MVD: variants seen among roughly 807,000 people sequenced by gnomAD.
MVD encodes the protein mevalonate diphosphate decarboxylase, also known as diphosphomevalonate decarboxylase.
MVD carries 52 observed loss-of-function variants against 42.4 expected under a neutral mutation model. The ratio of observed to expected loss-of-function variants is 1.23; its 90% confidence interval spans 0.98 to 1.55. The LOEUF is 1.55. Among genes scored for constraint, MVD ranks in the 40% most tolerant of loss-of-function variants. The pLI, the probability that MVD is intolerant of heterozygous loss-of-function variation, is 0.00. For missense variants in MVD, 663 were observed against 572.1 expected, an observed-to-expected ratio of 1.16 and a Z score of -1.62; for synonymous variants, 287 against 243.2, an observed-to-expected ratio of 1.18 and a Z score of -1.68.
At chr16:88,654,544 C>G (rs1360711281) in intron 8 of MVD, 148 bp downstream of exon 8, 9 of 722,356 alleles carry the variant, frequency 1.2e-5, no homozygotes, top group East Asian at 3.2e-5. Context: ...ATGGGGACAC[C>G]CTGCCCGTGG....
At chr16:88,654,260 G>A (rs889955576) in intron 8 of MVD, among the ~76,000 whole-genome samples, 1 of 152,180 alleles carries the variant, frequency 6.6e-6, no homozygotes, top group Non-Finnish European at 1.5e-5. Flanking sequence ...CCGGGGCGGG[G>A]TCAACACCCG....
Position 88,656,289 on chromosome 16 carries a change from C to A in MVD, c.419G>T (p.Arg140Leu). Residue 140 changes from arginine to leucine, a missense_variant, in exon 5 of 10, where the codon CGT becomes CTT. Arg to Leu is a moderately radical substitution (Grantham distance 102). Coordinates refer to ENST00000301012, the MANE Select transcript of MVD (RefSeq NM_002461.3). ...GYACLAYTLA[R>L]VYGVESDLSE... ...GAGGTCACTCTCCACGCCGTAGACA[C>A]GGGCCAGGGTGTAGGCTGCAGGCAT... The A allele has an allele frequency of 6.3e-7, 1 of 1,599,646 alleles. No individual in the cohort carries two copies. Among genetic ancestry groups the A allele is most frequent in the Non-Finnish European group, 8.5e-7 (1 of 1,179,926 alleles).
intron 7 of MVD, 190 bp downstream of exon 7, chr16:88,655,009 G>T: frequency 1.1e-6 from 1 of 890,540 alleles, no homozygotes; most frequent in Non-Finnish European, 1.7e-6. Context: ...GTGGGGCCGT[G>T]ACCCGGGCAA....
At chr16:88,657,193 C>T in intron 4 of MVD, 2 of 686,118 alleles carry the variant, frequency 2.9e-6, no homozygotes, top group East Asian at 2.9e-5. Context: ...GTGCTTCTCC[C>T]CCATCAGCCT....
At chr16:88,657,204 C>T (rs1286272692) in intron 4 of MVD, 1 of 708,340 alleles carries the variant, frequency 1.4e-6, no homozygotes, top group Admixed American at 2.0e-5. Context: ...CCATCAGCCT[C>T]TTAAGTACTG....
At chr16:88,653,501 A>G in intron 8 of MVD, 93 bp from the exon 9 acceptor site, 4 of 1,085,606 alleles carry the variant, frequency 3.7e-6, no homozygotes, top group Non-Finnish European at 3.9e-6. Flanking sequence ...TGGGAAGTGC[A>G]TTCCTGGCCG....
chr16:88,657,682 G>A (rs1908021623), intron 3 of MVD, 100 bp from the exon 4 acceptor site: 7 of 1,511,094 alleles, frequency 4.6e-6, no homozygotes, highest in Non-Finnish European at 6.3e-6. Flanking sequence ...CCAGGCCTCT[G>A]CCTGCCAGAC....
chr16:88,652,627 A>C, intron 9 of MVD, 22 bp from the exon 10 acceptor site: 3 of 1,546,964 alleles, frequency 1.9e-6, no homozygotes, highest in Non-Finnish European at 2.6e-6. Context: ...AATCCATGTC[A>C]GGTCACCAGG....
At chr16:88,656,373 C>T (rs1907930937) in intron 4 of MVD, 69 bp from the exon 5 acceptor site, 2 of 1,531,640 alleles carry the variant, frequency 1.3e-6, no homozygotes, top group Non-Finnish European at 8.9e-7. Context: ...AGCTCACCGC[C>T]CCAGGAACGT....
intron 1 of MVD, among the ~76,000 whole-genome samples, chr16:88,662,462 G>T (rs1908364565): frequency 6.6e-6 from 1 of 152,254 alleles, no homozygotes; most frequent in African/African-American, 2.4e-5. Context: ...GAGGGGCGGG[G>T]CTGTGAACGC....
chr16:88,656,896 G>A (rs116634612), intron 4 of MVD: 19 of 296,800 alleles, frequency 6.4e-5, no homozygotes, highest in African/African-American at 3.1e-4. Context: ...GACCACCACC[G>A]GGGGGACAGG....
rs1466453088 is a variant in MVD, at chr16:88,657,506, G to A, written c.333C>T (p.His111=). The A allele has an allele frequency of 5.6e-6, 9 of 1,612,692 alleles. No individual in the cohort carries two copies. Among genetic ancestry groups the A allele is most frequent in the East Asian group, 2.2e-5 (1 of 44,890 alleles). Reference sequence around the variant, plus strand: ...TGGGGAAGTTGTTCACCGATGCCACGTGCACCTTGCAGCTGAGGCTGGAGG... The same window carrying A: ...TGGGGAAGTTGTTCACCGATGCCACATGCACCTTGCAGCTGAGGCTGGAGG... ...PLPSSLSCKV[H]VASVNNFPTA... is the part of the protein sequence containing the mutation. The change falls in exon 4 of 10, where the codon CAC becomes CAT. Residue 111 remains histidine (H), a synonymous_variant. Coordinates refer to ENST00000301012, the MANE Select transcript of MVD (RefSeq NM_002461.3).
chr16:88,656,871 G>A (rs1385290570), intron 4 of MVD: 12 of 277,616 alleles, frequency 4.3e-5, no homozygotes, highest in Non-Finnish European at 6.4e-5. Context: ...GAGTTGAGGG[G>A]TGAAGATGGT....
intron 3 of MVD, 133 bp from the exon 4 acceptor site, chr16:88,657,715 C>G: frequency 1.4e-6 from 2 of 1,394,068 alleles, no homozygotes; most frequent in Non-Finnish European, 9.7e-7. Context: ...GTTTCTTACC[C>G]GGGAAAACCC....
chr16:88,654,635 G>T, intron 8 of MVD, 57 bp downstream of exon 8: 3 of 1,533,828 alleles, frequency 2.0e-6, no homozygotes, highest in South Asian at 2.4e-5. Context: ...CGTCTCTTCC[G>T]ACCAGAGTTC....
rs763755773 is a variant in MVD at position 88,652,648 on chromosome 16, C to T, written c.1123-43G>A. 1.6e-5 allele frequency: 24 copies of T among 1,516,524 alleles called. No homozygotes were observed. The African/African-American group carries it at 2.3e-4, about 15-fold the overall frequency. The allele number at this position is 1,516,524 out of a possible 1,614,324, so 93.9% of individuals were successfully genotyped here. A position where few individuals can be genotyped will look rare whatever the true frequency, so the allele number is the denominator to read the frequency against. On this transcript the variant is annotated intron_variant, in intron 9 of 9. Coordinates refer to ENST00000301012, the MANE Select transcript of MVD (RefSeq NM_002461.3). ...TGTCAGGTCACCAGGAATGGCAGCG[C>T]CTCATCCTGTGCCCAGCATCTGTAG...
In MVD at chr16:88,663,008, C is replaced by CA. The variant is rs754801607; in HGVS notation, c.70+2dup. ...CCGTCCCAGGCCGGCCCGCGGCACT[C>CA]ACAGTACTTGATGACCGCGATGTTG... On this transcript the variant is annotated splice_region_variant and intron_variant, in intron 1 of 9. Transcript: ENST00000301012. The CA allele has an allele frequency of 1.2e-5, 20 of 1,602,336 alleles. No homozygotes were observed. Among genetic ancestry groups the CA allele is most frequent in the Non-Finnish European group, 1.5e-5 (18 of 1,175,388 alleles).
At chr16:88,658,562 T>C in intron 2 of MVD, 88 bp downstream of exon 2, 42 of 1,324,046 alleles carry the variant, frequency 3.2e-5, no homozygotes, top group Non-Finnish European at 4.5e-5. Context: ...GGATTGCAGA[T>C]GTGAGCCACC....
chr16:88,653,331 G>T lies in MVD; in HGVS notation c.1091C>A (p.Pro364His). ...LQAALAMEPT[P>H]GGVKYIIVTQ... ...GACAATGATGTATTTGACCCCACCG[G>T]GGGTCGGCTCCATGGCCAGCGCAGC... is the stretch of plus-strand genomic sequence containing the variant. The change falls in exon 9 of 10, where the codon CCC (proline) becomes CAC (histidine). Residue 364 changes from proline (P) to histidine (H), a missense_variant. Transcript: ENST00000301012. The T allele has an allele frequency of 6.2e-7, 1 of 1,601,058 alleles. No individual in the cohort carries two copies. Among genetic ancestry groups the T allele is most frequent in the Non-Finnish European group, 8.5e-7 (1 of 1,176,660 alleles).
Sources: allele counts gnomAD v4.1 joint callset (sites outside exome capture counted in the v4.1 genomes callset), GRCh38; gene constraint gnomAD v4.1.1; transcripts MANE v1.5; gene names NCBI Gene and HGNC (gene_info 2026-07-23, HGNC 2026-07-21).